Variants in TBC1D22A observed in about 807,000 individuals in gnomAD.
TBC1D22A encodes the protein TBC1 domain family member 22A.
TBC1D22A carries 38 observed loss-of-function variants against 60.2 expected under a neutral mutation model. That is an observed-to-expected ratio of 0.63 (90% CI 0.49 to 0.83). The LOEUF (loss-of-function observed/expected upper bound fraction) is 0.83. Among genes scored for constraint, TBC1D22A ranks in the 40% least tolerant of loss-of-function variants. The probability of loss-of-function intolerance (pLI) is 0.00; values close to 1 mark genes in which losing one functional copy is unlikely to be tolerated. For missense variants in TBC1D22A, 628 were observed against 701.0 expected (o/e 0.90, Z 1.18); for synonymous variants, 302 against 281.7 (o/e 1.07, Z -0.72).
intron 11 of TBC1D22A, among the ~76,000 whole-genome samples, chr22:47,104,781 G>A (rs531244778): frequency 3.3e-5 from 5 of 151,432 alleles, no homozygotes; most frequent in Admixed American, 3.3e-4. Flanking sequence ...AAAGAACCTT[G>A]GTCTCCACAG....
At chr22:46,865,181 C>T (rs2066992172) in intron 4 of TBC1D22A, among the ~76,000 whole-genome samples, 4 of 152,168 alleles carry the variant, frequency 2.6e-5, no homozygotes, top group Non-Finnish European at 5.9e-5. Flanking sequence ...CAGGCCCTGC[C>T]TTCCTCTCCA....
intron 10 of TBC1D22A, among the ~76,000 whole-genome samples, chr22:47,020,411 G>A (rs567425343): frequency 8.7e-4 from 132 of 152,276 alleles, no homozygotes; most frequent in African/African-American, 3.2e-3. Context: ...GGTTGCATCA[G>A]CAATTTCTTA....
At chr22:47,145,233 G>A (rs917392706) in intron 12 of TBC1D22A, among the ~76,000 whole-genome samples, 1 of 152,332 alleles carries the variant, frequency 6.6e-6, no homozygotes, top group East Asian at 1.9e-4. Context: ...GATTGGGAAG[G>A]TGCTGGTTCC....
At chr22:46,896,031 C>T (rs1213677813) in intron 7 of TBC1D22A, among the ~76,000 whole-genome samples, 1 of 152,186 alleles carries the variant, frequency 6.6e-6, no homozygotes, top group Admixed American at 6.5e-5. Context: ...CTTGCCAGTT[C>T]TTCATGCTGT....
At chr22:46,968,417 A>G (rs2073909835) in intron 8 of TBC1D22A, among the ~76,000 whole-genome samples, 2 of 152,182 alleles carry the variant, frequency 1.3e-5, no homozygotes, top group Admixed American at 6.5e-5. Context: ...TCATGCGTGG[A>G]CGTGTGCGCC....
intron 9 of TBC1D22A, among the ~76,000 whole-genome samples, chr22:46,984,017 A>G (rs2074616095): frequency 6.6e-6 from 1 of 152,040 alleles, no homozygotes; most frequent in South Asian, 2.1e-4. Flanking sequence ...CTGCTGACCT[A>G]GTGCTATTTC....
At position 47,028,440 on chromosome 22, in the gene TBC1D22A, C is replaced by T. The variant is rs1242877622; in HGVS notation, c.1202-8631C>T. 1.6e-5 allele frequency among the ~76,000 whole-genome samples: 2 copies of T among 123,156 alleles called. No individual in the cohort carries two copies. The highest frequency in any genetic ancestry group is 3.2e-5 in the Non-Finnish European group (2 of 62,246). 80.8% of individuals were successfully genotyped at this position (123,156 alleles called of 152,430 possible). On this transcript the variant is annotated intron_variant, in intron 10 of 12. Coordinates refer to ENST00000337137, the MANE Select transcript of TBC1D22A (RefSeq NM_014346.5). This position sits in a 1 kb window ranked among gnomAD's most constrained non-coding sequence, Gnocchi z 4.4. The stretch of plus-strand genomic sequence containing the variant: ...GTTCTGAGAGCGAGTGGTCGCATTC[C>T]TGTCCCTCGGTCCCTGTCCCCCACG...
At chr22:46,878,092 G>C (rs2067650372) in intron 4 of TBC1D22A, among the ~76,000 whole-genome samples, 1 of 151,964 alleles carries the variant, frequency 6.6e-6, no homozygotes, top group Admixed American at 6.6e-5. Context: ...TGTTGTCTGT[G>C]TAGAATATGG....
intron 8 of TBC1D22A, among the ~76,000 whole-genome samples, chr22:46,954,462 G>T (rs1247826871): frequency 6.6e-6 from 1 of 152,236 alleles, no homozygotes; most frequent in African/African-American, 2.4e-5. Context: ...AAGGCGGAGA[G>T]TTGTGGGCAT....
chr22:47,150,611 C>T (rs1273550960), intron 12 of TBC1D22A, among the ~76,000 whole-genome samples: 2 of 152,240 alleles, frequency 1.3e-5, no homozygotes, highest in Admixed American at 6.5e-5. Context: ...GAGCTGTCTG[C>T]TCGTTGGCTT....
chr22:47,035,517 C>G (rs1245886386), intron 10 of TBC1D22A, among the ~76,000 whole-genome samples: 1 of 152,198 alleles, frequency 6.6e-6, no homozygotes, highest in Non-Finnish European at 1.5e-5. Context: ...GCGTGTATTG[C>G]TGCATCTACC....
chr22:46,940,566 ACACACACACATG>A (rs2071935705), intron 8 of TBC1D22A, among the ~76,000 whole-genome samples: 1 of 149,848 alleles, frequency 6.7e-6, no homozygotes, highest in Non-Finnish European at 1.5e-5. Flanking sequence ...ATGTATACAC[ACACACACACATG>A]CACACACACA....
chr22:46,871,765 C>A (rs190800850), intron 4 of TBC1D22A, among the ~76,000 whole-genome samples: 192 of 152,248 alleles, frequency 1.3e-3, no homozygotes, highest in African/African-American at 4.3e-3. Context: ...ATTCAACGCT[C>A]TCATTTTAAG....
chr22:46,882,809 A>C (rs2147524680), intron 5 of TBC1D22A, among the ~76,000 whole-genome samples: 1 of 152,358 alleles, frequency 6.6e-6, no homozygotes, highest in Admixed American at 6.5e-5. Flanking sequence ...CTGTGCTTGA[A>C]TGGGAACCTA....
chr22:46,786,299 T>TA (rs1434417672), intron 1 of TBC1D22A, among the ~76,000 whole-genome samples: 5 of 152,262 alleles, frequency 3.3e-5, no homozygotes, highest in African/African-American at 1.2e-4. Context: ...ATGCTATTAA[T>TA]ATAGTGTATT....
At chr22:46,995,641 T>G (rs774372948) in intron 9 of TBC1D22A, among the ~76,000 whole-genome samples, 9 of 152,300 alleles carry the variant, frequency 5.9e-5, no homozygotes, top group Non-Finnish European at 1.2e-4. Flanking sequence ...TTGTCTTACC[T>G]GGGGTCACCT....
At chr22:46,817,647 G>C (rs2147077353) in intron 4 of TBC1D22A, among the ~76,000 whole-genome samples, 1 of 152,286 alleles carries the variant, frequency 6.6e-6, no homozygotes, top group South Asian at 2.1e-4. Flanking sequence ...TCTTTATGTA[G>C]TCTATCATTG....
intron 9 of TBC1D22A, among the ~76,000 whole-genome samples, chr22:46,976,539 A>G (rs2074302640): frequency 2.0e-5 from 3 of 152,108 alleles, no homozygotes; most frequent in Admixed American, 2.0e-4. Flanking sequence ...GAGGCTATGT[A>G]CTCACTTAAA....
intron 10 of TBC1D22A, among the ~76,000 whole-genome samples, chr22:47,030,999 T>C (rs998627029): frequency 2.0e-5 from 3 of 152,094 alleles, no homozygotes; most frequent in Non-Finnish European, 4.4e-5. Flanking sequence ...ACCACTTCCG[T>C]GTGAAGAAGG....
Sources: gnomAD v4.1 joint callset for allele counts (sites outside exome capture counted in the v4.1 genomes callset) on GRCh38, gnomAD v4.1.1 for gene constraint, Gnocchi (gnomAD v3.1) non-coding constraint, MANE v1.5 for transcripts, NCBI Gene and HGNC (gene_info 2026-07-23, HGNC 2026-07-21) for gene names.